The following CCNG1 variants were observed in gnomAD, a reference collection of about 807,000 sequenced individuals.
CCNG1 encodes the protein cyclin-G1.
In CCNG1, 13 loss-of-function variants were observed where a neutral mutation model predicts 30.0. The ratio of observed to expected loss-of-function variants is 0.43; its 90% CI spans 0.28 to 0.69. CCNG1 has a LOEUF of 0.69. Ranked by LOEUF, CCNG1 falls within the 30% of genes least tolerant of loss-of-function variation. The pLI is 0.16. For missense variants in CCNG1, 285 were observed against 331.4 expected (o/e 0.86, Z 1.09); for synonymous variants, 110 against 121.5 (o/e 0.91, Z 0.62).
the CCNG1 span, among the ~76,000 whole-genome samples, chr5:163,454,336 TTTTA>T: frequency 6.6e-6 from 1 of 152,140 alleles, no homozygotes; most frequent in Non-Finnish European, 1.5e-5. Flanking sequence ...AGCATTTTTA[TTTTA>T]TTTATTATTA....
chr5:163,447,205 G>A (rs1244115391), downstream of CCNG1: 1 of 152,412 alleles, frequency 6.6e-6, no homozygotes, highest in African/African-American at 2.4e-5. Context: ...TAATTCCAAT[G>A]CTTTGGGAAG....
At chr5:163,440,414 G>T (rs1267176340) in intron 2 of CCNG1, among the ~76,000 whole-genome samples, 1 of 152,104 alleles carries the variant, frequency 6.6e-6, no homozygotes, top group Non-Finnish European at 1.5e-5. Context: ...ACTACATTAT[G>T]CCTTTAAAGA....
intron 5 of CCNG1, 40 bp downstream of exon 5, chr5:163,442,183 A>T (rs1757849517): frequency 1.5e-6 from 2 of 1,343,492 alleles, no homozygotes; most frequent in Non-Finnish European, 2.1e-6. Flanking sequence ...TAACAGCTGT[A>T]AAAGAAACTA....
intron 3 of CCNG1, 32 bp downstream of exon 3, chr5:163,441,363 T>G: frequency 6.3e-7 from 1 of 1,596,578 alleles, no homozygotes; most frequent in Non-Finnish European, 8.5e-7. Flanking sequence ...CAAGAGACAT[T>G]TGGAAATCAG....
chr5:163,440,647 A>G (rs1465196176), intron 2 of CCNG1, among the ~76,000 whole-genome samples: 3 of 152,190 alleles, frequency 2.0e-5, no homozygotes, highest in Admixed American at 2.0e-4. Context: ...AAACTGTTTT[A>G]TATGTGTTCC....
chr5:163,455,145 G>GA, the CCNG1 span, among the ~76,000 whole-genome samples: 665 of 114,686 alleles, frequency 5.8e-3, 1 homozygote, highest in Middle Eastern at 9.4e-3. Flanking sequence ...AAGTGACACA[G>GA]AAAAAAAAAA....
At chr5:163,454,790 C>T in the CCNG1 span, among the ~76,000 whole-genome samples, 5 of 152,066 alleles carry the variant, frequency 3.3e-5, no homozygotes, top group African/African-American at 1.2e-4. Context: ...ATCCAACAAA[C>T]ATTTGTTGAG....
At position 163,439,024 on chromosome 5, in the gene CCNG1, C is replaced by CAAA. The variant is rs5872822; in HGVS notation, c.1-218_1-216dup. Among the ~76,000 whole-genome samples the CAAA allele has an allele frequency of 3.4e-3, 327 of 97,204 alleles. 6 individuals are homozygous for CAAA. The highest frequency in any genetic ancestry group is 9.9e-3 in the African/African-American group (292 of 29,528). 63.8% of individuals were successfully genotyped at this position (97,204 alleles called of 152,430 possible). On this transcript the variant is annotated intron_variant, in intron 1 of 6. Coordinates refer to ENST00000340828, the MANE Select transcript of CCNG1 (RefSeq NM_004060.4). ...CTGGCAACAGAGCGAGACTCCTTCT[C>CAAA]AAAAAAAAAAAAAAAAAGCATGGTT...
chr5:163,441,452 C>T lies in CCNG1; in HGVS notation c.518+121C>T, dbSNP rs1012068560. The T allele has an allele frequency of 3.4e-6, 3 of 881,114 alleles. No homozygotes were observed. In the African/African-American group the frequency reaches 5.1e-5, roughly 15 times the overall value. The allele number at this position is 881,114 out of a possible 1,614,324, so 54.6% of individuals were successfully genotyped here. ...AAAATAAGTAAAATGACAGCTGTGG[C>T]TCCTTGAACTTTAATGTCCATCATA... On this transcript the variant is annotated intron_variant, in intron 3 of 6. Coordinates refer to ENST00000340828, the MANE Select transcript of CCNG1 (RefSeq NM_004060.4).
chr5:163,454,855 A>T, the CCNG1 span, among the ~76,000 whole-genome samples: 1 of 142,364 alleles, frequency 7.0e-6, no homozygotes, highest in Admixed American at 6.8e-5. Context: ...GTGAAAAAAA[A>T]CAAAAATCCC....
At chr5:163,439,130 T>C (rs894659852) in intron 1 of CCNG1, 127 bp from the exon 2 acceptor site, 1 of 783,174 alleles carries the variant, frequency 1.3e-6, no homozygotes, top group South Asian at 1.7e-5. Flanking sequence ...TGCAATGACT[T>C]AGATGCACTA....
rs1757820283 is a variant in CCNG1 at position 163,441,617 on chromosome 5, T to C, written c.519-269T>C. ...AAAGGACCTTCAGTGGATGTTGAAA[T>C]ATTTATTAAAACTAAAAGAAAATAA... On this transcript the variant is annotated intron_variant, in intron 3 of 6. Transcript: ENST00000340828. 2.1e-5 allele frequency: 10 copies of C among 478,708 alleles called. No homozygotes were observed. The South Asian group carries it at 3.8e-4, about 18-fold the overall frequency. The allele number at this position is 478,708 out of a possible 1,614,324, so 29.7% of individuals were successfully genotyped here. A position where few individuals can be genotyped will look rare whatever the true frequency, so the allele number is the denominator to read the frequency against.
chr5:163,449,866 AT>A (rs1342524149), downstream of CCNG1: 2 of 152,222 alleles, frequency 1.3e-5, no homozygotes, highest in African/African-American at 4.8e-5. Flanking sequence ...ATGCAAAAAA[AT>A]AAACCTACCT....
At chr5:163,441,371 C>T in intron 3 of CCNG1, 40 bp downstream of exon 3, 4 of 1,586,708 alleles carry the variant, frequency 2.5e-6, no homozygotes, top group Non-Finnish European at 3.4e-6. Flanking sequence ...ATTTGGAAAT[C>T]AGAATGGTAT....
chr5:163,441,149 A>C lies in CCNG1; in HGVS notation c.336A>C (p.Glu112Asp). Residue 112 changes from glutamate to aspartate, a missense_variant, in exon 3 of 7, where the codon GAA becomes GAC. Glu to Asp is a conservative substitution (Grantham distance 45, BLOSUM62 2). Coordinates refer to ENST00000340828, the MANE Select transcript of CCNG1 (RefSeq NM_004060.4). ...FYLAVKSIEE[E>D]RNVPLATDLI... ...TGGCTGTAAAATCAATAGAAGAGGA[A>C]AGGAATGTCCCATTGGCAACTGACT... 3.1e-6 allele frequency: 5 copies of C among 1,614,014 alleles called. No homozygotes were observed. The highest frequency in any genetic ancestry group is 4.2e-6 in the Non-Finnish European group (5 of 1,179,898).
chr5:163,443,493 T>G (rs1004918056), intron 6 of CCNG1, among the ~76,000 whole-genome samples, 181 bp from the exon 7 acceptor site: 1 of 152,214 alleles, frequency 6.6e-6, no homozygotes, highest in Non-Finnish European at 1.5e-5. Context: ...TGATATACAT[T>G]CTTGCCATAT....
chr5:163,447,166 G>T, downstream of CCNG1: 1 of 152,264 alleles, frequency 6.6e-6, no homozygotes, highest in South Asian at 2.0e-4. Flanking sequence ...TACATGAAGA[G>T]ACCAGGTACA....
chr5:163,437,981 A>G (rs1360573438), intron 1 of CCNG1, among the ~76,000 whole-genome samples, 177 bp downstream of exon 1: 1 of 152,060 alleles, frequency 6.6e-6, no homozygotes, highest in East Asian at 1.9e-4. Context: ...CGGCCTCCTG[A>G]GGTGCCTTTC....
At chr5:163,450,289 G>A (rs979148432), downstream of CCNG1, 6 of 152,162 alleles carry the variant, frequency 3.9e-5, no homozygotes, top group Admixed American at 3.3e-4. Context: ...AATTCCTCAT[G>A]ACCTGGGGTT....
Sources: allele counts gnomAD v4.1 joint callset (sites outside exome capture counted in the v4.1 genomes callset), GRCh38; gene constraint gnomAD v4.1.1; transcripts MANE v1.5; gene names NCBI Gene and HGNC (gene_info 2026-07-23, HGNC 2026-07-21).